Variants in REC114 observed in about 807,000 individuals in gnomAD.
REC114 encodes meiotic recombination protein REC114.
REC114 carries 27 observed loss-of-function variants against 31.3 expected under a neutral mutation model. That is an observed-to-expected ratio of 0.86 (90% CI 0.64 to 1.19). The LOEUF (loss-of-function observed/expected upper bound fraction) is 1.19, where lower values mean the gene tolerates loss of function less well. Ranked by LOEUF, REC114 falls within the 50% of genes most tolerant of loss-of-function variation. REC114 has a pLI of 0.00. For synonymous variants in REC114, 134 were observed against 127.7 expected (o/e 1.05, Z -0.33); for missense variants, 344 against 326.9 (o/e 1.05, Z -0.40).
At chr15:73,464,428 G>A (rs1430656078) in intron 1 of REC114, among the ~76,000 whole-genome samples, 1 of 151,954 alleles carries the variant, frequency 6.6e-6, no homozygotes, top group Non-Finnish European at 1.5e-5. Context: ...CGGGAGCCTC[G>A]TGTTTTGGGT....
intron 3 of REC114, among the ~76,000 whole-genome samples, chr15:73,549,887 T>A (rs1894364266): frequency 6.6e-6 from 1 of 152,218 alleles, no homozygotes; most frequent in South Asian, 2.1e-4. Flanking sequence ...ATATATGGCT[T>A]TACTTGATGG....
intron 2 of REC114, among the ~76,000 whole-genome samples, chr15:73,474,986 T>A (rs1049006945): frequency 6.6e-6 from 1 of 152,194 alleles, no homozygotes; most frequent in African/African-American, 2.4e-5. Flanking sequence ...TCTGCTACTG[T>A]CAGGGTCTGC....
chr15:73,519,922 G>T (rs538276466), intron 2 of REC114, among the ~76,000 whole-genome samples: 2 of 152,126 alleles, frequency 1.3e-5, no homozygotes, highest in Non-Finnish European at 2.9e-5. Context: ...CTAAAGTAGC[G>T]AAACTCATAG....
chr15:73,470,433 G>A (rs982671987), intron 1 of REC114, among the ~76,000 whole-genome samples: 4 of 152,000 alleles, frequency 2.6e-5, no homozygotes, highest in African/African-American at 9.7e-5. Context: ...TTCTTTCAGT[G>A]CAGATCTGCT....
intron 1 of REC114, among the ~76,000 whole-genome samples, chr15:73,459,523 C>T (rs767617164): frequency 1.3e-5 from 2 of 152,140 alleles, no homozygotes; most frequent in East Asian, 1.9e-4. Flanking sequence ...TGAGCCACCG[C>T]GCCCGGCCCT....
chr15:73,485,610 G>A (rs1043212255), intron 2 of REC114, among the ~76,000 whole-genome samples: 1 of 152,132 alleles, frequency 6.6e-6, no homozygotes, highest in Non-Finnish European at 1.5e-5. Flanking sequence ...TAAAGTGTGT[G>A]GCGCTTGCTC....
chr15:73,462,066 G>T (rs1298376214), intron 1 of REC114, among the ~76,000 whole-genome samples: 3 of 150,788 alleles, frequency 2.0e-5, no homozygotes, highest in Non-Finnish European at 4.4e-5. Context: ...TTAGTAGCTG[G>T]GATTACAGGC....
At chr15:73,446,439 A>G (rs1277666569) in intron 1 of REC114, among the ~76,000 whole-genome samples, 3 of 152,188 alleles carry the variant, frequency 2.0e-5, no homozygotes, top group Admixed American at 1.3e-4. Context: ...CAGGAGTTTG[A>G]GACCAGCCTG....
At chr15:73,443,610 G>A (rs773682390) in intron 1 of REC114, among the ~76,000 whole-genome samples, 2 of 152,198 alleles carry the variant, frequency 1.3e-5, no homozygotes, top group Non-Finnish European at 2.9e-5. Context: ...TTTATTGAGC[G>A]TCAAGTATGT....
intron 2 of REC114, among the ~76,000 whole-genome samples, chr15:73,482,305 G>T (rs1195709416): frequency 6.6e-6 from 1 of 152,164 alleles, no homozygotes; most frequent in African/African-American, 2.4e-5. Context: ...GATAATAAGT[G>T]AGTTCTTGCT....
intron 2 of REC114, among the ~76,000 whole-genome samples, chr15:73,513,725 C>G (rs1463780325): frequency 6.6e-6 from 1 of 151,980 alleles, no homozygotes; most frequent in Non-Finnish European, 1.5e-5. Flanking sequence ...CAGTGTGCCC[C>G]TGCTGGGGGG....
chr15:73,457,917 T>C (rs1321567310), intron 1 of REC114, among the ~76,000 whole-genome samples: 2 of 152,214 alleles, frequency 1.3e-5, no homozygotes, highest in African/African-American at 4.8e-5. Flanking sequence ...TAAAATGTTA[T>C]GTTACTTGAG....
chr15:73,494,034 C>T (rs950435547), intron 2 of REC114, among the ~76,000 whole-genome samples: 3 of 152,184 alleles, frequency 2.0e-5, no homozygotes, highest in African/African-American at 2.4e-5. Context: ...TTCTCTTTCT[C>T]TCTGAGTCAC....
intron 2 of REC114, among the ~76,000 whole-genome samples, chr15:73,499,728 C>A (rs993908668): frequency 6.6e-6 from 1 of 152,148 alleles, no homozygotes; most frequent in African/African-American, 2.4e-5. Flanking sequence ...ATGCAAGGAT[C>A]TTAGTGATCT....
chr15:73,550,912 A>G, intron 3 of REC114, 26 bp from the exon 4 acceptor site: 5 of 1,607,054 alleles, frequency 3.1e-6, no homozygotes, highest in Non-Finnish European at 4.3e-6. Context: ...AGGGTCTCTC[A>G]TGATAACTTT....
chr15:73,502,747 C>CTAAA (rs1416440342), intron 2 of REC114, among the ~76,000 whole-genome samples: 1 of 152,096 alleles, frequency 6.6e-6, no homozygotes, highest in Non-Finnish European at 1.5e-5. Context: ...GTTTTAGATT[C>CTAAA]CATTTAAGTA....
chr15:73,539,498 A>G (rs981475654), intron 2 of REC114, among the ~76,000 whole-genome samples: 25 of 145,692 alleles, frequency 1.7e-4, no homozygotes, highest in Non-Finnish European at 3.3e-4. Flanking sequence ...AGCATCAAAG[A>G]ATTAACCCTC....
At chr15:73,451,411 C>T (rs1350543710) in intron 1 of REC114, among the ~76,000 whole-genome samples, 2 of 152,176 alleles carry the variant, frequency 1.3e-5, no homozygotes, top group Non-Finnish European at 1.5e-5. Flanking sequence ...AAGACATACA[C>T]CCTCCCAAGA....
At chr15:73,473,100 A>G (rs1481383665) in intron 1 of REC114, among the ~76,000 whole-genome samples, 1 of 152,164 alleles carries the variant, frequency 6.6e-6, no homozygotes, top group Non-Finnish European at 1.5e-5. Flanking sequence ...GGGTTATGAA[A>G]AATGGAGGGC....
Sources: allele counts gnomAD v4.1 joint callset (sites outside exome capture counted in the v4.1 genomes callset), GRCh38; gene constraint gnomAD v4.1.1; transcripts MANE v1.5; gene names NCBI Gene and HGNC (gene_info 2026-07-23, HGNC 2026-07-21).